Variants in MYBL2 observed in about 807,000 individuals in gnomAD.
MYBL2 encodes the protein myb-related protein B.
Under a neutral mutation model 79.9 loss-of-function variants are expected in MYBL2, and 28 were observed. The ratio of observed to expected loss-of-function variants is 0.35; its 90% CI spans 0.26 to 0.48. MYBL2 has a LOEUF of 0.48. Ranked by LOEUF, MYBL2 falls within the 20% of genes least tolerant of loss-of-function variation. MYBL2 has a pLI of 0.99. For synonymous variants in MYBL2, 378 were observed against 361.2 expected, an observed-to-expected ratio of 1.05 and a Z score of -0.53; for missense variants, 735 against 893.9, an observed-to-expected ratio of 0.82 and a Z score of 2.27.
rs1311989353 is a variant in MYBL2, at chr20:43,702,804, T to C, written c.1266T>C (p.Pro422=). Residue 422 remains proline, a synonymous_variant, in exon 8 of 14, where the codon CCT becomes CCC. Coordinates refer to ENST00000217026, the MANE Select transcript of MYBL2 (RefSeq NM_002466.4). ...RQRKRRVALS[P]VTENSTSLSF... ...GGAAGAGGCGTGTGGCTCTGTCCCC[T>C]GTCACTGAGAATAGCACCAGTCTGT... 2.5e-6 allele frequency: 4 copies of C among 1,614,072 alleles called. No individual in the cohort carries two copies. The highest frequency in any genetic ancestry group is 3.4e-6 in the Non-Finnish European group (4 of 1,180,042).
intron 4 of MYBL2, among the ~76,000 whole-genome samples, chr20:43,685,814 G>T (rs1434817681): frequency 1.3e-5 from 2 of 151,856 alleles, no homozygotes; most frequent in African/African-American, 4.8e-5. Context: ...AAGTCGGGCG[G>T]ATCACCTGAG....
At chr20:43,668,976 G>A (rs62226202) in intron 1 of MYBL2, among the ~76,000 whole-genome samples, 4,190 of 152,210 alleles carry the variant, frequency 0.028, 69 homozygotes, top group Non-Finnish European at 0.037. Context: ...AAGGAATTCT[G>A]TCTCAGCCTC....
At chr20:43,667,402 G>T in intron 1 of MYBL2, 99 bp downstream of exon 1, 1 of 905,926 alleles carries the variant, frequency 1.1e-6, no homozygotes. Flanking sequence ...CCACCAAGCT[G>T]GGGTGTGTGT....
intron 9 of MYBL2, among the ~76,000 whole-genome samples, chr20:43,706,249 G>A (rs974797318): frequency 1.3e-5 from 2 of 152,178 alleles, no homozygotes; most frequent in African/African-American, 4.8e-5. Context: ...TATGTGCAGG[G>A]CGAAAGTGCC....
At chr20:43,700,274 A>G (rs567929179) in intron 7 of MYBL2, among the ~76,000 whole-genome samples, 8 of 151,942 alleles carry the variant, frequency 5.3e-5, no homozygotes, top group Non-Finnish European at 1.0e-4. Context: ...GTGGCATCTG[A>G]CCTCTATGTA....
At chr20:43,674,855 ATAAT>A (rs1364519835) in intron 2 of MYBL2, among the ~76,000 whole-genome samples, 1 of 152,184 alleles carries the variant, frequency 6.6e-6, no homozygotes, top group Non-Finnish European at 1.5e-5. Context: ...TTTTTCTAAA[ATAAT>A]TAACTGTATT....
intron 6 of MYBL2, among the ~76,000 whole-genome samples, chr20:43,696,575 C>T (rs1457327166): frequency 1.3e-5 from 2 of 152,300 alleles, no homozygotes; most frequent in East Asian, 1.9e-4. Context: ...TTTAACATAT[C>T]GTTCCATGTT....
At chr20:43,700,672 G>A (rs939976021) in intron 7 of MYBL2, among the ~76,000 whole-genome samples, 1 of 152,126 alleles carries the variant, frequency 6.6e-6, no homozygotes, top group Non-Finnish European at 1.5e-5. Context: ...ATGGGGGTCC[G>A]TGTTCGCCTT....
At chr20:43,689,826 C>T (rs192133480) in intron 5 of MYBL2, among the ~76,000 whole-genome samples, 9 of 152,302 alleles carry the variant, frequency 5.9e-5, no homozygotes, top group Admixed American at 3.3e-4. Context: ...TTTTTATATG[C>T]GAGCAAAAGA....
intron 2 of MYBL2, among the ~76,000 whole-genome samples, chr20:43,675,761 TTGTGTGTG>T (rs34999422): frequency 2.0e-5 from 3 of 148,204 alleles, no homozygotes; most frequent in Non-Finnish European, 1.5e-5. Flanking sequence ...TTTGGGGGCT[TTGTGTGTG>T]TGTGTGTGTG....
At chr20:43,673,465 C>A (rs1197787479) in intron 1 of MYBL2, among the ~76,000 whole-genome samples, 2 of 151,524 alleles carry the variant, frequency 1.3e-5, no homozygotes, top group African/African-American at 4.8e-5. Flanking sequence ...GGTGAGACCC[C>A]GTCTCTACAA....
At chr20:43,674,384 C>T (rs1042207084) in intron 2 of MYBL2, among the ~76,000 whole-genome samples, 1 of 107,972 alleles carries the variant, frequency 9.3e-6, no homozygotes, top group Non-Finnish European at 1.9e-5. Context: ...GCCACCACAT[C>T]CAGCTAATTT....
intron 8 of MYBL2, among the ~76,000 whole-genome samples, chr20:43,704,692 C>G (rs1371977342): frequency 6.6e-6 from 1 of 152,190 alleles, no homozygotes; most frequent in Non-Finnish European, 1.5e-5. Flanking sequence ...CTCAAAACCT[C>G]TCTAAGCGTT....
rs530813018 is a variant in MYBL2, at chr20:43,707,971, A to T, written c.1506-1992A>T. 7.2e-5 allele frequency among the ~76,000 whole-genome samples: 11 copies of T among 152,118 alleles called. No homozygotes were observed. In the South Asian group the frequency reaches 2.1e-3, roughly 29 times the overall value. On this transcript the variant is annotated intron_variant, in intron 9 of 13. Coordinates refer to ENST00000217026, the MANE Select transcript of MYBL2 (RefSeq NM_002466.4). ...ATTTCCTTAATCTTCGGAGAACATG[A>T]TGGGATTGTTTTCTGATTCACCAGT...
intron 2 of MYBL2, 111 bp from the exon 3 acceptor site, chr20:43,681,673 A>C: frequency 8.9e-7 from 1 of 1,123,000 alleles, no homozygotes; most frequent in Admixed American, 1.8e-5. Context: ...TATTCACTTC[A>C]TGACGGAATG....
chr20:43,711,776 G>A (rs1002364833), intron 11 of MYBL2, among the ~76,000 whole-genome samples, 175 bp downstream of exon 11: 4 of 152,182 alleles, frequency 2.6e-5, no homozygotes, highest in African/African-American at 9.7e-5. Flanking sequence ...GATAAGGACA[G>A]TGTCTCTGGG....
intron 6 of MYBL2, among the ~76,000 whole-genome samples, chr20:43,695,128 A>G (rs1406042572): frequency 6.6e-6 from 1 of 151,758 alleles, no homozygotes; most frequent in African/African-American, 2.4e-5. Flanking sequence ...CCACCTCCCA[A>G]GTTCAAGTGG....
intron 9 of MYBL2, among the ~76,000 whole-genome samples, chr20:43,707,195 T>TA (rs199537584): frequency 2.8e-4 from 38 of 133,460 alleles, no homozygotes; most frequent in South Asian, 7.2e-4. Context: ...TTTTTTTTTT[T>TA]AAAAAAAAAA....
chr20:43,681,235 A>C (rs1987134711), intron 2 of MYBL2, among the ~76,000 whole-genome samples: 1 of 152,152 alleles, frequency 6.6e-6, no homozygotes, highest in Non-Finnish European at 1.5e-5. Flanking sequence ...GAGTTCAGTA[A>C]TGACCTCCTT....
Sources: gnomAD v4.1 joint callset for allele counts (sites outside exome capture counted in the v4.1 genomes callset) on GRCh38, gnomAD v4.1.1 for gene constraint, MANE v1.5 for transcripts, NCBI Gene and HGNC (gene_info 2026-07-23, HGNC 2026-07-21) for gene names.